Variants in KCNQ1OT1 observed in about 807,000 individuals in gnomAD.
KCNQ1OT1 encodes the protein KCNQ1 opposite strand/antisense transcript 1, also known as KCNQ1 antisense RNA 2 (non-protein coding).
At position 2,663,080 on chromosome 11, in the gene KCNQ1OT1, T is replaced by A; in HGVS notation, n.36915A>T. On this transcript the variant is annotated non_coding_transcript_exon_variant, in exon 1 of 1. Transcript: ENST00000597346. This position sits in a 1 kb window ranked among gnomAD's most constrained non-coding sequence, Gnocchi z 5.2. ...AACTGGCAGGGTTGGGTAGCCAGAA[T>A]GAGGCCACCTCCAGGGAAGGAGTGG... 1 of 398,660 alleles carries A rather than the reference T, an allele frequency of 2.5e-6. No individual in the cohort carries two copies. Among genetic ancestry groups the A allele is most frequent in the Non-Finnish European group, 4.4e-6 (1 of 226,120 alleles). 24.7% of individuals were successfully genotyped at this position (398,660 alleles called of 1,614,324 possible). A position where few individuals can be genotyped will look rare whatever the true frequency, so the allele number is the denominator to read the frequency against.
chr11:2,611,059 A>T lies in KCNQ1OT1; in HGVS notation n.88936T>A. ...CTGACAGTTTTATTTCATATACTTCAGGGCTGTGTTTTTAGCTGTTATAAA... is the reference window on the plus strand; with the variant it reads ...CTGACAGTTTTATTTCATATACTTCTGGGCTGTGTTTTTAGCTGTTATAAA... On this transcript the variant is annotated non_coding_transcript_exon_variant, in exon 1 of 1. Transcript: ENST00000597346. This position sits in a 1 kb window ranked among gnomAD's most constrained non-coding sequence, Gnocchi z 5.3. 1 of 398,392 alleles carries T rather than the reference A, an allele frequency of 2.5e-6. No individual in the cohort carries two copies. 24.7% of individuals were successfully genotyped at this position (398,392 alleles called of 1,614,324 possible).
exon 1 of KCNQ1OT1, chr11:2,667,356 G>A (rs934342634): frequency 2.5e-5 from 10 of 398,646 alleles, no homozygotes; most frequent in African/African-American, 1.6e-4. Context: ...CTCTGCAAGG[G>A]AAAGGCCATC....
Position 2,663,720 on chromosome 11 carries a change from C to G in KCNQ1OT1, n.36275G>C. 1 of 398,716 alleles carries G rather than the reference C, an allele frequency of 2.5e-6. No homozygotes were observed. Among genetic ancestry groups the G allele is most frequent in the Non-Finnish European group, 4.4e-6 (1 of 226,118 alleles). 24.7% of individuals were successfully genotyped at this position (398,716 alleles called of 1,614,324 possible). A position where few individuals can be genotyped will look rare whatever the true frequency, so the allele number is the denominator to read the frequency against. On this transcript the variant is annotated non_coding_transcript_exon_variant, in exon 1 of 1. Coordinates refer to ENST00000597346, the Ensembl canonical transcript of KCNQ1OT1. The surrounding 1 kb of genome is among the most constrained non-coding windows in gnomAD (Gnocchi z 5.2). ...TTACCAACTCTTGGGTCTTGCAAGGCCCCTGCAGGTGAAGGTGGTGAGAGA... is the reference window on the plus strand; with the variant it reads ...TTACCAACTCTTGGGTCTTGCAAGGGCCCTGCAGGTGAAGGTGGTGAGAGA...
At chr11:2,622,311 T>C (rs1849187649) in exon 1 of KCNQ1OT1, 2 of 398,236 alleles carry the variant, frequency 5.0e-6, no homozygotes, top group Admixed American at 8.8e-5. Context: ...TCCTCCTTTG[T>C]CTCCTATAAC....
chr11:2,619,422 G>A, exon 1 of KCNQ1OT1: 1 of 398,526 alleles, frequency 2.5e-6, no homozygotes, highest in Non-Finnish European at 4.4e-6. Context: ...TGTGTCAATT[G>A]AGATGATCAT....
At chr11:2,630,521 C>A (rs991289226) in exon 1 of KCNQ1OT1, 13 of 398,100 alleles carry the variant, frequency 3.3e-5, no homozygotes. Context: ...CAAGGTACAC[C>A]TTTTAATATT....
exon 1 of KCNQ1OT1, chr11:2,688,189 G>A (rs1225440693): frequency 2.5e-6 from 1 of 398,732 alleles, no homozygotes; most frequent in Non-Finnish European, 4.4e-6. Flanking sequence ...CAAGCAAGGG[G>A]GCAGGAGGGG....
exon 1 of KCNQ1OT1, chr11:2,660,921 C>T: frequency 5.0e-6 from 2 of 398,594 alleles, no homozygotes; most frequent in East Asian, 7.1e-5. Context: ...ACTATAAGAG[C>T]CTGAATGTCC....
exon 1 of KCNQ1OT1, chr11:2,634,809 G>A (rs549260994): frequency 7.2e-5 from 11 of 152,292 alleles, no homozygotes; most frequent in South Asian, 2.1e-4. Flanking sequence ...GTGTAAAAGC[G>A]TTCCTATTTC....
exon 1 of KCNQ1OT1, chr11:2,625,285 C>G (rs950096516): frequency 8.5e-5 from 34 of 398,560 alleles, no homozygotes; most frequent in African/African-American, 5.3e-4. Context: ...AGATCTGGCT[C>G]TGTCACTTAG....
chr11:2,673,981 G>C lies in KCNQ1OT1; in HGVS notation n.26014C>G, dbSNP rs1314298868. On this transcript the variant is annotated non_coding_transcript_exon_variant, in exon 1 of 1. Coordinates refer to ENST00000597346, the Ensembl canonical transcript of KCNQ1OT1. The surrounding 1 kb of genome is among the most constrained non-coding windows in gnomAD (Gnocchi z 4.5). ...GCCACAAGGGGATGCCCAGCATTGG[G>C]GGTGGGGTGGGGGGAGGGCCCTCCG... The C allele has an allele frequency of 1.1e-5, 2 of 190,284 alleles. No homozygotes were observed. 11.8% of individuals were successfully genotyped at this position (190,284 alleles called of 1,614,324 possible).
chr11:2,629,602 G>C (rs977927291), exon 1 of KCNQ1OT1: 3 of 398,316 alleles, frequency 7.5e-6, no homozygotes, highest in African/African-American at 6.2e-5. Context: ...ATTTGCCATT[G>C]AATGGACATG....
In KCNQ1OT1 at chr11:2,698,265, C is replaced by A; in HGVS notation, n.1730G>T. ...GAAAGTTTTTATACTTTGTGATAAT[C>A]TAAGACAGAACTATTCTACCTGGAT... On this transcript the variant is annotated non_coding_transcript_exon_variant, in exon 1 of 1. Coordinates refer to ENST00000597346, the Ensembl canonical transcript of KCNQ1OT1. This position sits in a 1 kb window ranked among gnomAD's most constrained non-coding sequence, Gnocchi z 5.1. 1 of 398,636 alleles carries A rather than the reference C, an allele frequency of 2.5e-6. No individual in the cohort carries two copies. Among genetic ancestry groups the A allele is most frequent in the Non-Finnish European group, 4.4e-6 (1 of 226,062 alleles). 24.7% of individuals were successfully genotyped at this position (398,636 alleles called of 1,614,324 possible). A position where few individuals can be genotyped will look rare whatever the true frequency, so the allele number is the denominator to read the frequency against.
chr11:2,662,148 T>C, exon 1 of KCNQ1OT1: 1 of 1,606,272 alleles, frequency 6.2e-7, no homozygotes, highest in Non-Finnish European at 8.5e-7. Context: ...TCAGACTTGG[T>C]GCTGGGGAAG....
At chr11:2,609,518 CTA>C in exon 1 of KCNQ1OT1, 4 of 398,334 alleles carry the variant, frequency 1.0e-5, no homozygotes, top group Non-Finnish European at 1.8e-5. Flanking sequence ...GCGAAGTGCT[CTA>C]TAATTACCTT....
At chr11:2,666,761 A>G in exon 1 of KCNQ1OT1, 1 of 398,750 alleles carries the variant, frequency 2.5e-6, no homozygotes, top group Non-Finnish European at 4.4e-6. Flanking sequence ...CAGCTCTGTG[A>G]GTGTCTAAGC....
rs189071558 is a variant in KCNQ1OT1, at chr11:2,667,686, G to A, written n.32309C>T. On this transcript the variant is annotated non_coding_transcript_exon_variant, in exon 1 of 1. Coordinates refer to ENST00000597346, the Ensembl canonical transcript of KCNQ1OT1. ...GCAGAGCCTCTGGAGGCTGAAGCAC[G>A]GAGGTGACCTAGTCAGGAAGTCTGG... 1.5e-3 allele frequency: 588 copies of A among 398,724 alleles called. 2 individuals are homozygous for A. Among genetic ancestry groups the A allele is most frequent in the African/African-American group, 8.9e-3 (435 of 48,738 alleles). The allele number at this position is 398,724 out of a possible 1,614,324, so 24.7% of individuals were successfully genotyped here.
chr11:2,660,768 A>G (rs1391595334), exon 1 of KCNQ1OT1: 2 of 398,538 alleles, frequency 5.0e-6, no homozygotes, highest in Admixed American at 8.8e-5. Flanking sequence ...GGGAGCCTGA[A>G]TTGCTACAAC....
In KCNQ1OT1 at chr11:2,668,940, A is replaced by G. The variant is rs1009760349; in HGVS notation, n.31055T>C. On this transcript the variant is annotated non_coding_transcript_exon_variant, in exon 1 of 1. Transcript: ENST00000597346. This position sits in a 1 kb window ranked among gnomAD's most constrained non-coding sequence, Gnocchi z 4.3. Reference sequence around the variant, plus strand: ...TTATTAGCTCACCTTTCCCATGTAGATCTGCACTCCATCTGGGATTGATTT... The same window carrying G: ...TTATTAGCTCACCTTTCCCATGTAGGTCTGCACTCCATCTGGGATTGATTT... 1.0e-5 allele frequency: 4 copies of G among 398,418 alleles called. No individual in the cohort carries two copies. Among genetic ancestry groups the G allele is most frequent in the African/African-American group, 8.2e-5 (4 of 48,562 alleles). The allele number at this position is 398,418 out of a possible 1,614,324, so 24.7% of individuals were successfully genotyped here.
Sources: allele counts gnomAD v4.1 joint callset, GRCh38; gene constraint gnomAD v4.1.1; non-coding constraint Gnocchi (gnomAD v3.1); transcripts MANE v1.5; gene names NCBI Gene and HGNC (gene_info 2026-07-23, HGNC 2026-07-21).